Variants in MLIP observed in about 807,000 individuals in gnomAD.
MLIP encodes muscular LMNA-interacting protein.
MLIP carries 79 observed loss-of-function variants against 84.8 expected under a neutral mutation model. That is an observed-to-expected ratio of 0.93 (90% CI 0.78 to 1.12). The LOEUF (loss-of-function observed/expected upper bound fraction) is 1.12. Among genes scored for constraint, MLIP ranks in the 50% most tolerant of loss-of-function variants. The pLI, the probability that MLIP is intolerant of heterozygous loss-of-function variation, is 0.00. For missense variants in MLIP, 1,257 were observed against 1,160.6 expected, an observed-to-expected ratio of 1.08 and a Z score of -1.21; for synonymous variants, 504 against 463.0, an observed-to-expected ratio of 1.09 and a Z score of -1.14.
chr6:54,215,021 C>T, intron 11 of MLIP: 1 of 662,910 alleles, frequency 1.5e-6, no homozygotes, highest in East Asian at 3.0e-5. Context: ...CCTCATGTAG[C>T]TTAGATTCTA....
chr6:54,071,343 G>A (rs909446701), intron 1 of MLIP, among the ~76,000 whole-genome samples: 9 of 151,788 alleles, frequency 5.9e-5, no homozygotes, highest in Non-Finnish European at 1.3e-4. Context: ...AAAAAACAAA[G>A]TTATCTTCAT....
intron 1 of MLIP, among the ~76,000 whole-genome samples, chr6:54,019,284 C>T (rs1466349849): frequency 6.6e-6 from 1 of 152,100 alleles, no homozygotes; most frequent in Non-Finnish European, 1.5e-5. Flanking sequence ...AATGCCATTA[C>T]ACAAATGAGG....
chr6:54,180,722 A>G (rs1424972621), intron 9 of MLIP, among the ~76,000 whole-genome samples: 3 of 152,140 alleles, frequency 2.0e-5, no homozygotes, highest in Non-Finnish European at 4.4e-5. Flanking sequence ...AATTTATCTA[A>G]TGGAATTCTA....
intron 1 of MLIP, among the ~76,000 whole-genome samples, chr6:54,055,805 G>A (rs1483610954): frequency 1.3e-5 from 2 of 152,144 alleles, no homozygotes; most frequent in East Asian, 3.9e-4. Context: ...AGGGACTGCC[G>A]AGAAGGTGAC....
At chr6:54,029,337 T>C (rs1264645373) in intron 1 of MLIP, 1 of 152,224 alleles carries the variant, frequency 6.6e-6, no homozygotes, top group Admixed American at 6.5e-5. Flanking sequence ...ATGAGAGTAG[T>C]GCCCTTCTAG....
intron 12 of MLIP, among the ~76,000 whole-genome samples, chr6:54,234,958 GA>G (rs1451499554): frequency 6.6e-6 from 1 of 152,052 alleles, no homozygotes; most frequent in African/African-American, 2.4e-5. Flanking sequence ...CTTCTCCACT[GA>G]GATTCAGTTT....
Position 54,259,837 on chromosome 6 carries a change from A to G in MLIP, c.2976+2476A>G, listed in dbSNP as rs138388924. Among the ~76,000 whole-genome samples the G allele has an allele frequency of 4.6e-5, 7 of 151,970 alleles. No individual in the cohort carries two copies. The East Asian group carries it at 1.2e-3, about 25-fold the overall frequency. On this transcript the variant is annotated intron_variant, in intron 13 of 13. Transcript: ENST00000502396. ...TTGGAGCAATTTAGCAACTTTTTAC[A>G]ACTTCTTATGATGTGTGGTCAGACC...
intron 11 of MLIP, among the ~76,000 whole-genome samples, chr6:54,230,300 C>T (rs772181179): frequency 5.3e-5 from 8 of 152,120 alleles, no homozygotes; most frequent in Admixed American, 1.3e-4. Context: ...CTTGACTTCC[C>T]GATTTCTTCC....
At chr6:54,143,701 C>T (rs1009996382) in intron 4 of MLIP, among the ~76,000 whole-genome samples, 1 of 152,140 alleles carries the variant, frequency 6.6e-6, no homozygotes, top group Admixed American at 6.5e-5. Context: ...ATTAGCCAGG[C>T]TTGTCTAGGA....
chr6:54,153,216 A>T (rs1344995557), intron 5 of MLIP, among the ~76,000 whole-genome samples: 1 of 152,122 alleles, frequency 6.6e-6, no homozygotes, highest in Non-Finnish European at 1.5e-5. Flanking sequence ...TGGTGCAAGG[A>T]ATATAAAATT....
intron 2 of MLIP, among the ~76,000 whole-genome samples, chr6:54,123,197 A>G (rs931989879): frequency 2.6e-5 from 4 of 151,988 alleles, no homozygotes; most frequent in African/African-American, 9.7e-5. Context: ...GGCCTCCCAA[A>G]GTGCTGGGAT....
chr6:54,264,230 A>G (rs1218222122), intron 13 of MLIP, among the ~76,000 whole-genome samples: 1 of 152,046 alleles, frequency 6.6e-6, no homozygotes, highest in Non-Finnish European at 1.5e-5. Flanking sequence ...TTCAGAGGGA[A>G]CTTAGAAGGC....
At chr6:54,261,654 G>T (rs1461373502) in intron 13 of MLIP, 1 of 984,778 alleles carries the variant, frequency 1.0e-6, no homozygotes, top group Non-Finnish European at 1.2e-6. Flanking sequence ...TGATGTCTAA[G>T]GTTCTAAGAG....
intron 12 of MLIP, among the ~76,000 whole-genome samples, chr6:54,240,736 G>A (rs569510699): frequency 6.6e-6 from 1 of 152,270 alleles, no homozygotes; most frequent in South Asian, 2.1e-4. Context: ...CAGCACTTTG[G>A]GAGGCTGAGG....
chr6:54,029,963 T>C (rs1488241656), intron 1 of MLIP, among the ~76,000 whole-genome samples: 2 of 152,130 alleles, frequency 1.3e-5, no homozygotes, highest in Non-Finnish European at 2.9e-5. Flanking sequence ...ATGAACTAAA[T>C]GTAAGCACTC....
rs146145648 is a variant in MLIP at position 54,029,749 on chromosome 6, C to T, written c.63+10658C>T. Among the ~76,000 whole-genome samples, 1,188 of 152,152 alleles carry T rather than the reference C, an allele frequency of 7.8e-3. 8 individuals are homozygous for T. The highest frequency in any genetic ancestry group is 0.012 in the Non-Finnish European group (836 of 68,012). ...ACCAAAATTATGTCATTTCTAAAAG[C>T]TTGAAAATTTCAGCTTGTATAACGG... On this transcript the variant is annotated intron_variant, in intron 1 of 12. Coordinates refer to the MLIP transcript ENST00000274897.
intron 1 of MLIP, among the ~76,000 whole-genome samples, chr6:54,024,428 T>C (rs993376588): frequency 6.6e-6 from 1 of 152,240 alleles, no homozygotes; most frequent in Non-Finnish European, 1.5e-5. Flanking sequence ...ATTCCTCATA[T>C]CATTATCTGA....
intron 11 of MLIP, among the ~76,000 whole-genome samples, chr6:54,213,832 C>T (rs1216670102): frequency 6.7e-6 from 1 of 148,940 alleles, no homozygotes; most frequent in Non-Finnish European, 1.5e-5. Flanking sequence ...CTTTTTGAAT[C>T]AATAAAGTTG....
At chr6:54,115,312 G>C (rs1769817412) in intron 1 of MLIP, among the ~76,000 whole-genome samples, 1 of 152,096 alleles carries the variant, frequency 6.6e-6, no homozygotes, top group African/African-American at 2.4e-5. Flanking sequence ...GATTTGAGGG[G>C]TATCCAAAAG....
Sources: allele counts gnomAD v4.1 joint callset (sites outside exome capture counted in the v4.1 genomes callset), GRCh38; gene constraint gnomAD v4.1.1; transcripts MANE v1.5; gene names NCBI Gene and HGNC (gene_info 2026-07-23, HGNC 2026-07-21).